AVIL: variants seen among roughly 807,000 people sequenced by gnomAD.
The protein encoded by AVIL is advillin.
Under a neutral mutation model 109.9 loss-of-function variants are expected in AVIL, and 78 were observed. The observed-to-expected ratio is 0.71, with a 90% CI of 0.59 to 0.86. AVIL has a LOEUF of 0.86. Among genes scored for constraint, AVIL ranks in the 40% least tolerant of loss-of-function variants. The pLI, the probability that AVIL is intolerant of heterozygous loss-of-function variation, is 0.00. For synonymous variants in AVIL, 367 were observed against 379.1 expected (o/e 0.97, Z 0.37); for missense variants, 892 against 1,016.5 (o/e 0.88, Z 1.67).
Position 57,802,087 on chromosome 12 carries a change from C to G in AVIL, c.2151+73G>C, listed in dbSNP as rs145991086. On this transcript the variant is annotated intron_variant, in intron 17 of 19. Transcript: ENST00000549994. ...TTTCACTGAGCCGTGAATCAGTACT[C>G]CACCTTCCTGCCCACTGAGCTGTTC... is the stretch of plus-strand genomic sequence containing the variant. 1.1e-4 allele frequency: 172 copies of G among 1,528,074 alleles called. No homozygotes were observed. The African/African-American group carries it at 2.2e-3, about 20-fold the overall frequency. 94.7% of individuals were successfully genotyped at this position (1,528,074 alleles called of 1,614,324 possible).
At position 57,807,688 on chromosome 12, in the gene AVIL, A is replaced by AC. The variant is rs1345975687; in HGVS notation, c.1233dup (p.Tyr412ValfsTer41). 4 of 1,613,954 alleles carry AC rather than the reference A, an allele frequency of 2.5e-6. No homozygotes were observed. The highest frequency in any genetic ancestry group is 3.4e-6 in the Non-Finnish European group (4 of 1,180,012). On this transcript the variant is annotated frameshift_variant, in exon 12 of 20. Transcript: ENST00000549994. LOFTEE classifies it high-confidence loss of function. ...CCATAAAAGAAGCCATACCATTGAT[A>AC]CTCCACAGGGACCAGCTCCAGGTTC...
intron 9 of AVIL, 92 bp from the exon 10 acceptor site, chr12:57,808,640 A>G: frequency 1.4e-6 from 2 of 1,427,682 alleles, no homozygotes; most frequent in Non-Finnish European, 9.4e-7. Context: ...AAGCCACATG[A>G]TATAAGCGTC....
At chr12:57,813,499 A>T in intron 3 of AVIL, 76 bp from the exon 4 acceptor site, 4 of 1,410,606 alleles carry the variant, frequency 2.8e-6, no homozygotes, top group Non-Finnish European at 3.9e-6. Context: ...TATGGGGAGA[A>T]TGCAGCACAT....
intron 14 of AVIL, among the ~76,000 whole-genome samples, chr12:57,804,837 C>T (rs1445118094): frequency 6.6e-6 from 1 of 151,366 alleles, no homozygotes; most frequent in African/African-American, 2.4e-5. Context: ...AAAACTGAAA[C>T]TGTCGAAATG....
intron 17 of AVIL, among the ~76,000 whole-genome samples, chr12:57,801,748 GA>G (rs1178752883): frequency 2.7e-5 from 4 of 147,252 alleles, no homozygotes; most frequent in East Asian, 2.0e-4. Flanking sequence ...CTCAAAAAAA[GA>G]AAAAAAAAAG....
rs1270762689 is a variant in AVIL, at chr12:57,799,796, T to C, written c.2345A>G (p.Glu782Gly). Reference protein sequence around the residue: ...LPEDVNPAKKENYLSEQDFVS... With the variant: ...LPEDVNPAKKGNYLSEQDFVS... The stretch of plus-strand genomic sequence containing the variant: ...GACACAGTTCCTTCAGCCACTCACC[T>C]CCTTTTTGGCAGGGTTTACATCCTC... Residue 782 changes from glutamate to glycine, a missense_variant and splice_region_variant, in exon 19 of 20, where the codon GAG (glutamate) becomes GGG (glycine). Physicochemically the swap from Glu to Gly is moderately conservative, Grantham distance 98 (BLOSUM62 -2). Coordinates refer to ENST00000549994, the MANE Select transcript of AVIL (RefSeq NM_006576.4). The C allele has an allele frequency of 2.5e-6, 4 of 1,613,852 alleles. No homozygotes were observed. The African/African-American group carries it at 5.3e-5, about 22-fold the overall frequency.
intron 10 of AVIL, 39 bp downstream of exon 10, chr12:57,808,356 A>T (rs1955984536): frequency 6.2e-7 from 1 of 1,614,096 alleles, no homozygotes; most frequent in Non-Finnish European, 8.5e-7. Context: ...GCTTTTCTAG[A>T]GTCTTAGCAA....
intron 19 of AVIL, among the ~76,000 whole-genome samples, chr12:57,798,607 A>T (rs1370841106): frequency 6.6e-6 from 1 of 151,074 alleles, no homozygotes; most frequent in African/African-American, 2.4e-5. Context: ...AAAGAAATTT[A>T]TTCTTTTCTT....
chr12:57,811,167 G>A, intron 4 of AVIL, 40 bp from the exon 5 acceptor site: 1 of 1,590,690 alleles, frequency 6.3e-7, no homozygotes, highest in Non-Finnish European at 8.6e-7. Context: ...TGCCTGCTAT[G>A]TGCTAGGTTC....
intron 4 of AVIL, among the ~76,000 whole-genome samples, chr12:57,811,448 G>A (rs1205531431): frequency 6.6e-6 from 1 of 152,188 alleles, no homozygotes; most frequent in Non-Finnish European, 1.5e-5. Flanking sequence ...CACCACAGAG[G>A]GCTTGTTTTG....
chr12:57,798,910 C>T (rs558790839), intron 19 of AVIL, among the ~76,000 whole-genome samples: 18 of 152,252 alleles, frequency 1.2e-4, no homozygotes, highest in Non-Finnish European at 2.4e-4. Context: ...CCACCGTGCC[C>T]GGCCAAGAAA....
chr12:57,807,226 C>T (rs908151869), intron 13 of AVIL, 105 bp downstream of exon 13: 1 of 1,533,612 alleles, frequency 6.5e-7, no homozygotes. Flanking sequence ...CTAATCCAAG[C>T]CTGACTCCCT....
In AVIL at chr12:57,802,148, C is replaced by T. The variant is rs1458360455; in HGVS notation, c.2151+12G>A. 2.5e-6 allele frequency: 4 copies of T among 1,613,328 alleles called. No individual in the cohort carries two copies. The highest frequency in any genetic ancestry group is 3.4e-6 in the Non-Finnish European group (4 of 1,179,538). On this transcript the variant is annotated intron_variant, in intron 17 of 19. Transcript: ENST00000549994. ...GGCAGGAAGTTAGAGCTTCCCTACT[C>T]TCTTTTCTTACACTCCAAATGTTAG...
Position 57,801,197 on chromosome 12 carries a change from CAT to C in AVIL, c.2165_2166del (p.Tyr722Ter), listed in dbSNP as rs765367995. On this transcript the variant is annotated frameshift_variant, in exon 18 of 20. Coordinates refer to ENST00000549994, the MANE Select transcript of AVIL (RefSeq NM_006576.4). LOFTEE classifies it high-confidence loss of function. The stretch of plus-strand genomic sequence containing the variant: ...TCTCCCAGCTCTTCTTTTAATTGTT[CAT>C]ATGTTTTTCCTGCCTGAGAAGAAGA... Reference protein sequence around the residue: ...DPNIWSAGKTYEQLKEELGDA... With the variant: ...DPNIWSAGKTXEQLKEELGDA... 7 of 1,613,272 alleles carry C rather than the reference CAT, an allele frequency of 4.3e-6. No homozygotes were observed. In the Admixed American group the frequency reaches 6.7e-5, roughly 15 times the overall value.
rs888988201 is a variant in AVIL, at chr12:57,810,744, C to G, written c.558+72G>C. 8 of 1,530,344 alleles carry G rather than the reference C, an allele frequency of 5.2e-6. No homozygotes were observed. In the Admixed American group the frequency reaches 1.2e-4, roughly 23 times the overall value. The allele number at this position is 1,530,344 out of a possible 1,614,324, so 94.8% of individuals were successfully genotyped here. ...TCAAAGGCAGGGCTCCACCTTGATTCTTGGGGAAGAGCCAGCATGGAGGGA... is the reference window on the plus strand; with the variant it reads ...TCAAAGGCAGGGCTCCACCTTGATTGTTGGGGAAGAGCCAGCATGGAGGGA... On this transcript the variant is annotated intron_variant, in intron 6 of 19. Coordinates refer to ENST00000549994, the MANE Select transcript of AVIL (RefSeq NM_006576.4).
intron 2 of AVIL, among the ~76,000 whole-genome samples, chr12:57,815,349 C>A (rs1267677864): frequency 1.3e-5 from 2 of 152,212 alleles, no homozygotes; most frequent in Non-Finnish European, 2.9e-5. Flanking sequence ...GCTGACTCCC[C>A]CTCCTGGTTG....
At chr12:57,806,133 C>CTT (rs372846869) in intron 14 of AVIL, 52,738 of 141,504 alleles carry the variant, frequency 0.37, 12,221 homozygotes, top group Admixed American at 0.46. Context: ...CCGTGCCCAG[C>CTT]TTTTTTTTTT....
rs201965436 is a variant in AVIL, at chr12:57,803,659, C to A, written c.1682G>T (p.Gly561Val). The A allele has an allele frequency of 2.4e-5, 38 of 1,614,026 alleles. No homozygotes were observed. The African/African-American group carries it at 4.8e-4, about 20-fold the overall frequency. Residue 561 changes from glycine (G) to valine (V), a missense_variant, in exon 15 of 20, where the codon GGG (glycine) becomes GTG (valine). Transcript: ENST00000549994. ...HYLWYGKGSSGDERAMAKELA... is the reference protein window; with the variant it reads ...HYLWYGKGSSVDERAMAKELA... The stretch of plus-strand genomic sequence containing the variant: ...CTCCTTAGCCATTGCCCGCTCATCC[C>A]CACTAGACCCCTGAGAGTGGGGCGA...
intron 14 of AVIL, among the ~76,000 whole-genome samples, chr12:57,804,807 TCAAAAAAAAAAA>T (rs1465547765): frequency 6.8e-6 from 1 of 147,172 alleles, no homozygotes; most frequent in African/African-American, 2.5e-5. Context: ...AGACTCTGTC[TCAAAAAAAAAAA>T]CAAAAAAAAA....
Sources: allele counts gnomAD v4.1 joint callset (sites outside exome capture counted in the v4.1 genomes callset), GRCh38; gene constraint gnomAD v4.1.1; transcripts MANE v1.5; gene names NCBI Gene and HGNC (gene_info 2026-07-23, HGNC 2026-07-21).